The following NRG1 variants were observed in gnomAD, a reference collection of about 807,000 sequenced individuals.
NRG1 encodes the protein neuregulin 1, also known as pro-neuregulin-1, membrane-bound isoform.
NRG1 carries 18 observed loss-of-function variants against 63.8 expected under a neutral mutation model. The observed-to-expected ratio is 0.28, with a 90% CI of 0.19 to 0.42. The LOEUF (loss-of-function observed/expected upper bound fraction) is 0.42, where lower values mean the gene tolerates loss of function less well. Among genes scored for constraint, NRG1 ranks in the 10% least tolerant of loss-of-function variants. The probability of loss-of-function intolerance (pLI) is 1.00; values close to 1 mark genes in which losing one functional copy is unlikely to be tolerated. For missense variants in NRG1, 762 were observed against 814.7 expected (o/e 0.94, Z 0.79); for synonymous variants, 302 against 301.3 (o/e 1.00, Z -0.02).
At chr8:32,051,089 C>T (rs7821190) in intron 1 of NRG1, among the ~76,000 whole-genome samples, 149,090 of 152,204 alleles carry the variant, frequency 0.98, 73,092 homozygotes, top group East Asian at 1. Context: ...AGAAACCTCA[C>T]GACTTACCAA....
At position 32,138,621 on chromosome 8, in the gene NRG1, G is replaced by A. The variant is rs1265966018; in HGVS notation, c.38-457207G>A. 2.0e-5 allele frequency among the ~76,000 whole-genome samples: 3 copies of A among 151,888 alleles called. 1 individual carries two copies. Among genetic ancestry groups the A allele is most frequent in the African/African-American group, 7.3e-5 (3 of 41,356 alleles). On this transcript the variant is annotated intron_variant, in intron 1 of 10. Transcript: ENST00000519301. Reference sequence around the variant, plus strand: ...TGTCGCCCAGACTGGAGTGCGCAGTGGTGCAGTCTTGGCTCACTGCAACCT... The same window carrying A: ...TGTCGCCCAGACTGGAGTGCGCAGTAGTGCAGTCTTGGCTCACTGCAACCT...
intron 1 of NRG1, among the ~76,000 whole-genome samples, chr8:31,665,534 TAG>T (rs1806442045): frequency 6.6e-6 from 1 of 152,172 alleles, no homozygotes; most frequent in African/African-American, 2.4e-5. Context: ...AACTATGTTT[TAG>T]AGAGAAGAGC....
intron 1 of NRG1, among the ~76,000 whole-genome samples, chr8:32,509,468 T>A (rs1422951702): frequency 6.6e-6 from 1 of 152,148 alleles, no homozygotes; most frequent in Non-Finnish European, 1.5e-5. Context: ...CAAAGATGAT[T>A]AGAGCCTGGA....
intron 1 of NRG1, among the ~76,000 whole-genome samples, chr8:32,372,485 T>A (rs990978499): frequency 2.6e-5 from 4 of 152,076 alleles, no homozygotes; most frequent in Non-Finnish European, 5.9e-5. Flanking sequence ...AAGGCAGCAA[T>A]TGGTGAGTTT....
At chr8:32,655,500 T>A (rs752221696) in intron 5 of NRG1, among the ~76,000 whole-genome samples, 3 of 152,190 alleles carry the variant, frequency 2.0e-5, no homozygotes, top group Non-Finnish European at 2.9e-5. Context: ...ATTGAATTCC[T>A]TCTTTGCCCT....
chr8:31,791,825 T>C (rs1218811424), intron 1 of NRG1, among the ~76,000 whole-genome samples: 1 of 152,154 alleles, frequency 6.6e-6, no homozygotes, highest in Non-Finnish European at 1.5e-5. Flanking sequence ...CAGTGGGAGA[T>C]GAAGAAGGCA....
chr8:32,635,267 T>G (rs1382900918), intron 5 of NRG1, among the ~76,000 whole-genome samples: 1 of 152,336 alleles, frequency 6.6e-6, no homozygotes, highest in Middle Eastern at 3.4e-3. Flanking sequence ...AAACATCTTT[T>G]GGATGGATAG....
intron 1 of NRG1, among the ~76,000 whole-genome samples, chr8:32,317,748 C>G (rs1286033637): frequency 6.6e-6 from 1 of 152,138 alleles, no homozygotes; most frequent in African/African-American, 2.4e-5. Context: ...TAATTGTGCT[C>G]TTTTAAAGGA....
Position 32,635,035 on chromosome 8 carries a change from T to C in NRG1, c.502+18150T>C, listed in dbSNP as rs532932569. 4.6e-5 allele frequency among the ~76,000 whole-genome samples: 7 copies of C among 152,340 alleles called. No individual in the cohort carries two copies. In the South Asian group the frequency reaches 1.4e-3, roughly 32 times the overall value. Reference sequence around the variant, plus strand: ...GATGTATATATATTACTTGGCACAATGTCTGACCTGTTTCTGTTTTTCACA... The same window carrying C: ...GATGTATATATATTACTTGGCACAACGTCTGACCTGTTTCTGTTTTTCACA... On this transcript the variant is annotated intron_variant, in intron 5 of 11. Coordinates refer to ENST00000356819, the Ensembl canonical transcript of NRG1.
chr8:32,721,855 C>T, intron 5 of NRG1: 7 of 1,400,406 alleles, frequency 5.0e-6, no homozygotes, highest in Non-Finnish European at 5.6e-6. Context: ...AGCTTCTGCT[C>T]CAGAGCTTCA....
rs1831037146 is a variant in NRG1, at chr8:32,763,257, C to T, written c.1260-491C>T. On this transcript the variant is annotated intron_variant, in intron 11 of 11. Coordinates refer to ENST00000356819, the Ensembl canonical transcript of NRG1. Reference sequence around the variant, plus strand: ...CTGAGCTAAGGAGAAACAAGGCACACAGATCCAAATGCATGCAGATCCAGC... The same window carrying T: ...CTGAGCTAAGGAGAAACAAGGCACATAGATCCAAATGCATGCAGATCCAGC... 6 of 1,613,954 alleles carry T rather than the reference C, an allele frequency of 3.7e-6. No individual in the cohort carries two copies. The East Asian group carries it at 1.3e-4, about 36-fold the overall frequency.
chr8:32,218,363 C>T (rs776722493), intron 1 of NRG1, among the ~76,000 whole-genome samples: 1 of 152,310 alleles, frequency 6.6e-6, no homozygotes, highest in Non-Finnish European at 1.5e-5. Flanking sequence ...CCATATGTCA[C>T]TTTTCTTTTT....
Position 32,053,732 on chromosome 8 carries a change from G to A in NRG1, c.37+414301G>A, listed in dbSNP as rs138221479. Among the ~76,000 whole-genome samples, 12 of 152,242 alleles carry A rather than the reference G, an allele frequency of 7.9e-5. No individual in the cohort carries two copies. The East Asian group carries it at 2.1e-3, about 27-fold the overall frequency. On this transcript the variant is annotated intron_variant, in intron 1 of 10. Coordinates refer to the NRG1 transcript ENST00000519301. ...AGTTTCTAGAGTAGGTTGAATACAT[G>A]AGCAAAAAGAATGATGAGGAGTCAT... is the stretch of plus-strand genomic sequence containing the variant.
intron 1 of NRG1, among the ~76,000 whole-genome samples, chr8:32,421,228 T>C (rs1365166049): frequency 6.6e-6 from 1 of 152,002 alleles, no homozygotes; most frequent in African/African-American, 2.4e-5. Context: ...GACCCCAAGA[T>C]TGAGAGAGAG....
intron 1 of NRG1, among the ~76,000 whole-genome samples, chr8:32,560,266 T>G (rs1055241391): frequency 1.3e-5 from 2 of 152,128 alleles, no homozygotes; most frequent in Non-Finnish European, 2.9e-5. Flanking sequence ...ATTTTGAGCA[T>G]TTTATTTTGG....
rs139800414 is a variant in NRG1 at position 32,469,416 on chromosome 8, A to G, written c.38-126412A>G. On this transcript the variant is annotated intron_variant, in intron 1 of 10. Transcript: ENST00000519301. ...TGGATGGTAAACCAAGTTTGGGGCC[A>G]GAGAAAAGTGAAAGCTTGTGCTGTT... is the stretch of plus-strand genomic sequence containing the variant. 2.3e-3 allele frequency among the ~76,000 whole-genome samples: 351 copies of G among 152,264 alleles called. 1 individual carries two copies. The highest frequency in any genetic ancestry group is 7.2e-3 in the African/African-American group (300 of 41,566).
At chr8:31,857,198 G>A (rs183582500) in intron 1 of NRG1, among the ~76,000 whole-genome samples, 2,674 of 152,292 alleles carry the variant, frequency 0.018, 32 homozygotes, top group African/African-American at 0.023. Flanking sequence ...AATGGCGGGC[G>A]CCCCTCCCCC....
intron 5 of NRG1, chr8:32,647,741 G>A: frequency 6.3e-7 from 1 of 1,588,082 alleles, no homozygotes; most frequent in Non-Finnish European, 8.6e-7. Flanking sequence ...CCCCAGACAT[G>A]TCTGAGGTCG....
intron 1 of NRG1, among the ~76,000 whole-genome samples, chr8:32,307,181 C>T (rs187331820): frequency 6.6e-6 from 1 of 152,264 alleles, no homozygotes; most frequent in African/African-American, 2.4e-5. Flanking sequence ...ATGGAAATAA[C>T]GTCTAAAGGA....
Sources: gnomAD v4.1 joint callset for allele counts (sites outside exome capture counted in the v4.1 genomes callset) on GRCh38, gnomAD v4.1.1 for gene constraint, MANE v1.5 for transcripts, NCBI Gene and HGNC (gene_info 2026-07-23, HGNC 2026-07-21) for gene names.